DPY19L2: variants seen among roughly 807,000 people sequenced by gnomAD.
DPY19L2 encodes the protein dpy-19 like 2, also known as probable C-mannosyltransferase DPY19L2.
A neutral mutation model predicts 97.9 loss-of-function variants in DPY19L2; 34 were observed. The ratio of observed to expected loss-of-function variants is 0.35; its 90% CI spans 0.26 to 0.46. DPY19L2 has a LOEUF of 0.46. Among genes scored for constraint, DPY19L2 ranks in the 20% least tolerant of loss-of-function variants. DPY19L2 has a pLI of 1.00. For synonymous variants in DPY19L2, 230 were observed against 307.9 expected, an observed-to-expected ratio of 0.75 and a Z score of 2.65; for missense variants, 623 against 911.4, an observed-to-expected ratio of 0.68 and a Z score of 4.07.
At chr12:63,594,990 T>C (rs1452581543) in intron 15 of DPY19L2, among the ~76,000 whole-genome samples, 8 of 152,178 alleles carry the variant, frequency 5.3e-5, no homozygotes, top group Admixed American at 2.0e-4. Flanking sequence ...TACTCATTCC[T>C]CCTTGTTTCC....
intron 4 of DPY19L2, among the ~76,000 whole-genome samples, chr12:63,658,314 G>A (rs1365471136): frequency 6.6e-6 from 1 of 152,048 alleles, no homozygotes; most frequent in East Asian, 1.9e-4. Flanking sequence ...GGCTAACATG[G>A]TGAAACCCCG....
At chr12:63,605,611 T>C (rs1885906522) in intron 12 of DPY19L2, among the ~76,000 whole-genome samples, 1 of 152,164 alleles carries the variant, frequency 6.6e-6, no homozygotes, top group African/African-American at 2.4e-5. Context: ...ACTCAGGTCT[T>C]GGTTTCCAAA....
intron 13 of DPY19L2, among the ~76,000 whole-genome samples, chr12:63,599,434 T>C (rs561626792): frequency 6.6e-6 from 1 of 152,212 alleles, no homozygotes; most frequent in Admixed American, 6.5e-5. Context: ...TAGCAATAAA[T>C]GGCAAATGCT....
intron 4 of DPY19L2, among the ~76,000 whole-genome samples, chr12:63,649,795 G>C (rs1893938720): frequency 6.6e-6 from 1 of 152,110 alleles, no homozygotes; most frequent in South Asian, 2.1e-4. Context: ...CCAAAAACTT[G>C]AGGGATTCCT....
intron 12 of DPY19L2, among the ~76,000 whole-genome samples, chr12:63,603,988 C>A (rs188980165): frequency 6.7e-4 from 102 of 152,306 alleles, no homozygotes; most frequent in African/African-American, 2.3e-3. Context: ...CACGTATCTA[C>A]AACCATCTGG....
chr12:63,636,827 A>T (rs1891800037), intron 6 of DPY19L2, among the ~76,000 whole-genome samples: 1 of 152,146 alleles, frequency 6.6e-6, no homozygotes, highest in African/African-American at 2.4e-5. Flanking sequence ...CTCCCACACA[A>T]TAATAATGGG....
rs115108857 is a variant in DPY19L2, at chr12:63,573,563, A to T, written c.1901-2706T>A. ...AACAGAGAACTTCTCAAAGCTAGAG[A>T]AAATATCAATATTCAAGCACAAGGT... On this transcript the variant is annotated intron_variant, in intron 19 of 21. Transcript: ENST00000324472. Among the ~76,000 whole-genome samples the T allele has an allele frequency of 4.2e-3, 638 of 152,248 alleles. 10 individuals carry two copies. Among genetic ancestry groups the T allele is most frequent in the African/African-American group, 0.015 (603 of 41,542 alleles).
rs553188017 is a variant in DPY19L2, at chr12:63,583,688, T to G, written c.1605+124A>C. ...AAGAGTGAGAAGGATCAGCAGAAAT[T>G]TATCACCAATGCTGAACAACTCACT... On this transcript the variant is annotated intron_variant, in intron 17 of 21. Transcript: ENST00000324472. 44 of 811,450 alleles carry G rather than the reference T, an allele frequency of 5.4e-5. No homozygotes were observed. In the East Asian group the frequency reaches 9.8e-4, roughly 18 times the overall value. The allele number at this position is 811,450 out of a possible 1,614,324, so 50.3% of individuals were successfully genotyped here.
intron 8 of DPY19L2, 28 bp from the exon 9 acceptor site, chr12:63,621,365 G>C: frequency 1.2e-6 from 1 of 828,478 alleles, no homozygotes; most frequent in Non-Finnish European, 2.0e-6. Context: ...ATACCAGTAA[G>C]TTTCACCCTA....
intron 12 of DPY19L2, among the ~76,000 whole-genome samples, chr12:63,600,611 C>CT (rs71434019): frequency 0.061 from 6,727 of 110,520 alleles, 309 homozygotes; most frequent in Non-Finnish European, 0.084. Flanking sequence ...TATCCTAAAT[C>CT]TTTTTTTTTT....
chr12:63,607,344 A>G (rs939630865), intron 12 of DPY19L2, among the ~76,000 whole-genome samples: 7 of 152,204 alleles, frequency 4.6e-5, no homozygotes, highest in African/African-American at 1.7e-4. Flanking sequence ...AAAGAATTAT[A>G]TATTACAAGT....
chr12:63,658,504 A>G (rs988110020), intron 4 of DPY19L2, among the ~76,000 whole-genome samples: 1 of 152,134 alleles, frequency 6.6e-6, no homozygotes, highest in Non-Finnish European at 1.5e-5. Flanking sequence ...AAAACAAACA[A>G]AAAGAAACCA....
intron 6 of DPY19L2, among the ~76,000 whole-genome samples, chr12:63,629,748 C>T (rs906309972): frequency 6.6e-6 from 1 of 152,024 alleles, no homozygotes; most frequent in Non-Finnish European, 1.5e-5. Context: ...AAGAGCAACT[C>T]CAAGACACAT....
At chr12:63,567,896 T>A (rs1019494463) in intron 21 of DPY19L2, among the ~76,000 whole-genome samples, 1 of 152,094 alleles carries the variant, frequency 6.6e-6, no homozygotes, top group Admixed American at 6.5e-5. Flanking sequence ...CATTTTTTTC[T>A]CTTATTTTCA....
In DPY19L2 at chr12:63,668,378, C is replaced by T. The variant is rs750399920; in HGVS notation, c.16G>A (p.Val6Ile). 39 of 1,612,144 alleles carry T rather than the reference C, an allele frequency of 2.4e-5. No homozygotes were observed. Among genetic ancestry groups the T allele is most frequent in the Non-Finnish European group, 3.3e-5 (39 of 1,179,390 alleles). The change falls in exon 1 of 22, where the codon GTA becomes ATA. Residue 6 changes from valine (V) to isoleucine (I), a missense_variant. Transcript: ENST00000324472. MRKQG[V>I]SSKRLQSSGR... The stretch of plus-strand genomic sequence containing the variant: ...GAAGATTGCAGCCGCTTTGAGCTTA[C>T]TCCTTGTTTTCTCATAATCAAGGAG...
At chr12:63,600,123 A>T (rs1884890982) in intron 13 of DPY19L2, among the ~76,000 whole-genome samples, 183 bp downstream of exon 13, 1 of 152,100 alleles carries the variant, frequency 6.6e-6, no homozygotes, top group Non-Finnish European at 1.5e-5. Flanking sequence ...TTTTCTTTTT[A>T]GTGGGTTGCA....
At chr12:63,612,062 G>A (rs538557630) in intron 11 of DPY19L2, among the ~76,000 whole-genome samples, 15 of 152,032 alleles carry the variant, frequency 9.9e-5, no homozygotes, top group Middle Eastern at 6.8e-3. Flanking sequence ...ATTTACAGAC[G>A]AAAGCGTAGG....
At chr12:63,572,269 C>CGGCG (rs1879010492) in intron 19 of DPY19L2, among the ~76,000 whole-genome samples, 1 of 152,076 alleles carries the variant, frequency 6.6e-6, no homozygotes, top group Admixed American at 6.5e-5. Flanking sequence ...AAGTGAATGT[C>CGGCG]GGCGGTAGCC....
At chr12:63,629,049 A>G (rs1164613705) in intron 6 of DPY19L2, among the ~76,000 whole-genome samples, 2 of 152,130 alleles carry the variant, frequency 1.3e-5, no homozygotes, top group East Asian at 3.9e-4. Context: ...GGACACCCAC[A>G]CCAAAACCCC....
Sources: allele counts gnomAD v4.1 joint callset (sites outside exome capture counted in the v4.1 genomes callset), GRCh38; gene constraint gnomAD v4.1.1; transcripts MANE v1.5; gene names NCBI Gene and HGNC (gene_info 2026-07-23, HGNC 2026-07-21).